SIL1: variants seen among roughly 807,000 people sequenced by gnomAD.
SIL1 encodes SIL1 nucleotide exchange factor, also known as nucleotide exchange factor SIL1.
In SIL1, 40 loss-of-function variants were observed where a neutral mutation model predicts 49.1. The observed-to-expected ratio is 0.81, with a 90% CI of 0.63 to 1.06. The LOEUF (loss-of-function observed/expected upper bound fraction) is 1.06, where lower values mean the gene tolerates loss of function less well. SIL1 is among the 50% of genes least tolerant of loss of function. The pLI is 0.00. For missense variants in SIL1, 500 were observed against 572.6 expected (o/e 0.87, Z 1.29); for synonymous variants, 253 against 250.8 (o/e 1.01, Z -0.08).
intron 1 of SIL1, among the ~76,000 whole-genome samples, chr5:139,170,950 G>T (rs1379646433): frequency 2.1e-5 from 3 of 145,352 alleles, no homozygotes; most frequent in Admixed American, 6.8e-5. Context: ...GGAGGGAGGT[G>T]GGGGGGTCAG....
intron 7 of SIL1, 147 bp downstream of exon 7, chr5:139,021,024 G>T: frequency 1.7e-6 from 2 of 1,148,590 alleles, no homozygotes; most frequent in Non-Finnish European, 2.6e-6. Flanking sequence ...CTATCTACTT[G>T]GAATAAGGGC....
chr5:139,039,404 C>A (rs1365772268), intron 5 of SIL1, among the ~76,000 whole-genome samples: 1 of 152,170 alleles, frequency 6.6e-6, no homozygotes, highest in African/African-American at 2.4e-5. Context: ...AGGAGTTGGA[C>A]AGGTATTGTA....
intron 1 of SIL1, among the ~76,000 whole-genome samples, chr5:139,182,444 G>T (rs1309166220): frequency 2.6e-5 from 4 of 152,168 alleles, no homozygotes; most frequent in African/African-American, 9.7e-5. Context: ...AGCAAATAAT[G>T]GTGGACTGAA....
At chr5:139,027,193 C>T (rs528519094) in intron 5 of SIL1, among the ~76,000 whole-genome samples, 1 of 152,300 alleles carries the variant, frequency 6.6e-6, no homozygotes, top group South Asian at 2.1e-4. Context: ...TAGGCCTCAG[C>T]TCTAAAAACA....
intron 7 of SIL1, among the ~76,000 whole-genome samples, chr5:138,973,468 CTTT>C (rs1197492323): frequency 6.6e-6 from 1 of 151,730 alleles, no homozygotes; most frequent in Non-Finnish European, 1.5e-5. Flanking sequence ...AGAGTTTTTT[CTTT>C]TTTCTTTTGA....
At chr5:138,961,782 A>ATT (rs1401147088) in intron 7 of SIL1, among the ~76,000 whole-genome samples, 1 of 151,640 alleles carries the variant, frequency 6.6e-6, no homozygotes, top group African/African-American at 2.4e-5. Flanking sequence ...AGTACACTTC[A>ATT]TTTTTCAAAC....
chr5:139,075,590 G>A lies in SIL1; in HGVS notation c.245-24544C>T, dbSNP rs548550498. On this transcript the variant is annotated intron_variant, in intron 3 of 9. Transcript: ENST00000394817. ...TGACTCTGCAGACATCAGTAACAGAGCATGTCATAGGGAATAAAACACAAT... is the reference window on the plus strand; with the variant it reads ...TGACTCTGCAGACATCAGTAACAGAACATGTCATAGGGAATAAAACACAAT... Among the ~76,000 whole-genome samples the A allele has an allele frequency of 5.2e-4, 79 of 152,296 alleles. No individual in the cohort carries two copies. The South Asian group carries it at 7.2e-3, about 14-fold the overall frequency.
intron 3 of SIL1, among the ~76,000 whole-genome samples, chr5:139,100,742 G>T (rs1770569195): frequency 6.6e-6 from 1 of 151,936 alleles, no homozygotes; most frequent in Admixed American, 6.5e-5. Flanking sequence ...AGAAAGAAAG[G>T]GGTCGAGAAT....
chr5:139,170,128 C>A (rs553242175), intron 1 of SIL1, among the ~76,000 whole-genome samples: 111 of 152,364 alleles, frequency 7.3e-4, no homozygotes, highest in Non-Finnish European at 1.2e-3. Context: ...CTCGGCCTCC[C>A]GAGGTGCTGG....
chr5:138,973,365 G>A (rs1767324679), intron 7 of SIL1, among the ~76,000 whole-genome samples: 1 of 151,730 alleles, frequency 6.6e-6, no homozygotes, highest in African/African-American at 2.4e-5. Context: ...AATCATGTAA[G>A]TTCATGGTAA....
chr5:139,141,030 G>A (rs113297506), intron 1 of SIL1, among the ~76,000 whole-genome samples: 98 of 152,140 alleles, frequency 6.4e-4, no homozygotes, highest in African/African-American at 2.1e-3. Flanking sequence ...ACGTCCCCCC[G>A]CATTTTAGAA....
chr5:139,157,322 G>A (rs1022521535), intron 1 of SIL1, among the ~76,000 whole-genome samples: 2 of 152,092 alleles, frequency 1.3e-5, no homozygotes, highest in African/African-American at 4.8e-5. Flanking sequence ...GCTCCATCCT[G>A]CCCACAATTT....
chr5:139,095,251 A>G (rs1027169959), intron 3 of SIL1, among the ~76,000 whole-genome samples: 1 of 149,742 alleles, frequency 6.7e-6, no homozygotes, highest in Admixed American at 6.7e-5. Context: ...CTATATATAT[A>G]TATTATTGGA....
intron 7 of SIL1, among the ~76,000 whole-genome samples, chr5:138,958,208 G>C (rs749265452): frequency 6.6e-6 from 1 of 152,176 alleles, no homozygotes; most frequent in Non-Finnish European, 1.5e-5. Flanking sequence ...TTTATGAAAA[G>C]TGCAGGCCAG....
rs147607224 is a variant in SIL1, at chr5:139,021,209, C to T, written c.729G>A (p.Lys243=). The T allele has an allele frequency of 3.1e-6, 5 of 1,614,056 alleles. No individual in the cohort carries two copies. In the African/African-American group the frequency reaches 5.3e-5, roughly 17 times the overall value. ...CGCCCAGCACAAACGCAGCATACTC[C>T]TTCACGAGGGGCTCTGTGCTGTTCA... ...NGLNSTEPLV[K]EYAAFVLGAA... The change falls in exon 7 of 10, where the codon AAG becomes AAA. Residue 243 remains lysine (K), a synonymous_variant. Coordinates refer to ENST00000394817, the MANE Select transcript of SIL1 (RefSeq NM_022464.5).
chr5:139,021,003 G>T, intron 7 of SIL1, 168 bp downstream of exon 7: 1 of 873,926 alleles, frequency 1.1e-6, no homozygotes, highest in Non-Finnish European at 1.8e-6. Context: ...TGACAACATG[G>T]GTAAAAATTC....
chr5:138,980,991 G>A lies in SIL1; in HGVS notation c.768-29107C>T, dbSNP rs1353776705. ...AGGCCGAGGCAGGCGGATCACTTGA[G>A]GTCAGGGGTTTGAGACTAGCCTGGC... is the stretch of plus-strand genomic sequence containing the variant. On this transcript the variant is annotated intron_variant, in intron 7 of 9. Transcript: ENST00000394817. Among the ~76,000 whole-genome samples the A allele has an allele frequency of 2.6e-5, 4 of 152,074 alleles. No individual in the cohort carries two copies. The East Asian group carries it at 7.7e-4, about 29-fold the overall frequency.
intron 4 of SIL1, among the ~76,000 whole-genome samples, chr5:139,043,743 T>C (rs752536611): frequency 8.5e-5 from 13 of 152,206 alleles, no homozygotes; most frequent in Non-Finnish European, 1.8e-4. Context: ...AGAGAGGACA[T>C]CCATCATGTG....
At chr5:138,999,305 G>A (rs1767938563) in intron 7 of SIL1, among the ~76,000 whole-genome samples, 1 of 152,024 alleles carries the variant, frequency 6.6e-6, no homozygotes, top group South Asian at 2.1e-4. Flanking sequence ...ATTCTTCATA[G>A]CTGCTGTAAA....
Sources: gnomAD v4.1 joint callset for allele counts (sites outside exome capture counted in the v4.1 genomes callset) on GRCh38, gnomAD v4.1.1 for gene constraint, MANE v1.5 for transcripts, NCBI Gene and HGNC (gene_info 2026-07-23, HGNC 2026-07-21) for gene names.